The following PDE4D variants were observed in gnomAD, a reference collection of about 807,000 sequenced individuals.
PDE4D encodes the protein 3',5'-cyclic-AMP phosphodiesterase 4D.
Under a neutral mutation model 87.4 loss-of-function variants are expected in PDE4D, and 24 were observed. That is an observed-to-expected ratio of 0.27 (90% CI 0.20 to 0.39). The LOEUF (loss-of-function observed/expected upper bound fraction) is 0.39, where lower values mean the gene tolerates loss of function less well. PDE4D is among the 10% of genes least tolerant of loss of function. The pLI is 1.00. For missense variants in PDE4D, 714 were observed against 1,041.0 expected (o/e 0.69, Z 4.32); for synonymous variants, 384 against 383.2 (o/e 1.00, Z -0.02).
intron 1 of PDE4D, among the ~76,000 whole-genome samples, chr5:59,730,432 A>G (rs983424790): frequency 3.9e-5 from 6 of 152,144 alleles, no homozygotes; most frequent in Non-Finnish European, 8.8e-5. Context: ...ATCAATTTTT[A>G]AACTTTAAAA....
chr5:60,335,575 G>C (rs900501787), intron 1 of PDE4D, among the ~76,000 whole-genome samples: 1 of 152,160 alleles, frequency 6.6e-6, no homozygotes, highest in East Asian at 1.9e-4. Context: ...CTCTAAGAAA[G>C]GGTGGTTGGG....
At chr5:59,866,125 T>A (rs1423652931) in intron 1 of PDE4D, among the ~76,000 whole-genome samples, 1 of 152,230 alleles carries the variant, frequency 6.6e-6, no homozygotes, top group Non-Finnish European at 1.5e-5. Context: ...ATCATTTGTG[T>A]CTTGTTTTTT....
At chr5:59,385,410 T>C (rs1371878658) in intron 1 of PDE4D, among the ~76,000 whole-genome samples, 2 of 152,192 alleles carry the variant, frequency 1.3e-5, no homozygotes, top group Admixed American at 6.5e-5. Flanking sequence ...GAGTCTATGT[T>C]GAAATGTAAA....
At chr5:59,910,556 T>C (rs901610309) in intron 3 of PDE4D, among the ~76,000 whole-genome samples, 24 of 152,236 alleles carry the variant, frequency 1.6e-4, no homozygotes, top group Non-Finnish European at 2.9e-4. Context: ...AAATGTTGTA[T>C]GAAAATCTTG....
chr5:59,275,505 G>A (rs1764628689), intron 1 of PDE4D: 1 of 1,491,634 alleles, frequency 6.7e-7, no homozygotes, highest in African/African-American at 1.4e-5. Context: ...CATTTCCAAG[G>A]GAGGCTGCTT....
chr5:59,768,934 T>C (rs1222417243), intron 1 of PDE4D, among the ~76,000 whole-genome samples: 3 of 152,202 alleles, frequency 2.0e-5, no homozygotes, highest in Non-Finnish European at 4.4e-5. Flanking sequence ...GCTGGGTTGT[T>C]TGGCTAGTCT....
At chr5:60,107,760 CAT>C (rs1582693024) in intron 2 of PDE4D, among the ~76,000 whole-genome samples, 1 of 152,158 alleles carries the variant, frequency 6.6e-6, no homozygotes, top group Non-Finnish European at 1.5e-5. Flanking sequence ...ACAAAAACCA[CAT>C]GATTATCTCA....
intron 2 of PDE4D, among the ~76,000 whole-genome samples, chr5:60,047,451 TG>T (rs1769428587): frequency 6.6e-6 from 1 of 152,224 alleles, no homozygotes; most frequent in Non-Finnish European, 1.5e-5. Context: ...TTCTTTTAAT[TG>T]TGATGTTAGG....
At chr5:60,413,702 T>C (rs1442771547) in intron 1 of PDE4D, among the ~76,000 whole-genome samples, 2 of 147,690 alleles carry the variant, frequency 1.4e-5, no homozygotes, top group African/African-American at 5.2e-5. Flanking sequence ...ATTTTGAATT[T>C]CTTTTTTCGT....
intron 3 of PDE4D, among the ~76,000 whole-genome samples, chr5:59,923,004 G>A (rs1754838969): frequency 1.3e-5 from 2 of 152,038 alleles, no homozygotes; most frequent in Admixed American, 6.5e-5. Context: ...CTCAGGCCTG[G>A]TTTCACTTAC....
chr5:59,701,349 C>T (rs1752532407), intron 1 of PDE4D, among the ~76,000 whole-genome samples: 1 of 152,168 alleles, frequency 6.6e-6, no homozygotes, highest in Admixed American at 6.5e-5. Context: ...TAAATATTTG[C>T]TTCCCCTGCT....
At chr5:59,534,834 T>C (rs902964288) in intron 1 of PDE4D, among the ~76,000 whole-genome samples, 4 of 152,186 alleles carry the variant, frequency 2.6e-5, no homozygotes, top group African/African-American at 9.7e-5. Context: ...TGGCAATTTC[T>C]AGCTTGACAA....
intron 3 of PDE4D, among the ~76,000 whole-genome samples, chr5:59,960,283 A>G (rs1407700925): frequency 6.6e-6 from 1 of 152,198 alleles, no homozygotes; most frequent in East Asian, 1.9e-4. Flanking sequence ...TGTGGAAAAC[A>G]GTTTGGAGAT....
chr5:59,165,743 G>T (rs910537720), intron 5 of PDE4D, among the ~76,000 whole-genome samples: 3 of 152,212 alleles, frequency 2.0e-5, no homozygotes, highest in African/African-American at 7.2e-5. Context: ...ACAAAATCTG[G>T]TCCCATCATT....
chr5:60,204,619 T>C (rs1742295830), intron 1 of PDE4D, among the ~76,000 whole-genome samples: 1 of 152,222 alleles, frequency 6.6e-6, no homozygotes, highest in African/African-American at 2.4e-5. Flanking sequence ...TCCCAAAATG[T>C]CAGAAATAAC....
chr5:60,500,900 A>G (rs1443257823), intron 1 of PDE4D, among the ~76,000 whole-genome samples: 1 of 152,190 alleles, frequency 6.6e-6, no homozygotes, highest in East Asian at 1.9e-4. Context: ...TAACTCCTCT[A>G]ACAGCTGAGG....
intron 5 of PDE4D, among the ~76,000 whole-genome samples, chr5:59,082,352 C>T (rs893405547): frequency 6.6e-6 from 1 of 151,990 alleles, no homozygotes; most frequent in Non-Finnish European, 1.5e-5. Context: ...ACGTAAGCAA[C>T]CAAACAAGAA....
chr5:59,891,726 C>G (rs1316295138), intron 1 of PDE4D, among the ~76,000 whole-genome samples: 2 of 151,962 alleles, frequency 1.3e-5, no homozygotes, highest in African/African-American at 2.4e-5. Context: ...GTGTACACAT[C>G]AGGGTTATGA....
At chr5:59,990,387 A>G (rs2572070) in intron 2 of PDE4D, among the ~76,000 whole-genome samples, 40,881 of 151,966 alleles carry the variant, frequency 0.27, 5,931 homozygotes, top group Admixed American at 0.35. Flanking sequence ...CACTCTTCAC[A>G]TTGATTCCCA....
Sources: gnomAD v4.1 joint callset for allele counts (sites outside exome capture counted in the v4.1 genomes callset) on GRCh38, gnomAD v4.1.1 for gene constraint, MANE v1.5 for transcripts, NCBI Gene and HGNC (gene_info 2026-07-23, HGNC 2026-07-21) for gene names.